Variants in STARD9 observed in about 807,000 individuals in gnomAD.
STARD9 encodes the protein StAR related lipid transfer domain containing 9.
STARD9 carries 346 observed loss-of-function variants against 399.8 expected under a neutral mutation model. That is an observed-to-expected ratio of 0.87 (90% confidence interval 0.79 to 0.95). The LOEUF (loss-of-function observed/expected upper bound fraction) is 0.95. STARD9 is among the 40% of genes least tolerant of loss of function. STARD9 has a pLI of 0.00. For synonymous variants in STARD9, 2,203 were observed against 2,143.5 expected (o/e 1.03, Z -0.77); for missense variants, 5,832 against 5,667.5 (o/e 1.03, Z -0.93).
chr15:42,658,021 C>G (rs4924690), intron 9 of STARD9, among the ~76,000 whole-genome samples: 61,461 of 152,088 alleles, frequency 0.4, 18,255 homozygotes, highest in African/African-American at 0.84. Context: ...AACTTTAGAA[C>G]ATAACTTAGG....
chr15:42,695,418 T>A, intron 25 of STARD9, 95 bp downstream of exon 25: 2 of 1,222,248 alleles, frequency 1.6e-6, no homozygotes, highest in Non-Finnish European at 2.2e-6. Context: ...GGGACATACG[T>A]AACATTTGGA....
At chr15:42,587,482 C>T (rs538258051) in intron 3 of STARD9, among the ~76,000 whole-genome samples, 1 of 152,204 alleles carries the variant, frequency 6.6e-6, no homozygotes, top group Non-Finnish European at 1.5e-5. Context: ...ATTACCTGCC[C>T]TCCACTGAGT....
intron 26 of STARD9, 55 bp downstream of exon 26, chr15:42,695,935 T>C (rs1214754225): frequency 1.3e-6 from 2 of 1,508,588 alleles, no homozygotes; most frequent in Non-Finnish European, 1.8e-6. Flanking sequence ...AAGGCAAGAG[T>C]TTGAGCAGGA....
chr15:42,669,853 C>T (rs1446891025), intron 16 of STARD9: 1 of 152,038 alleles, frequency 6.6e-6, no homozygotes, highest in East Asian at 1.9e-4. Context: ...GAGTTCAAGA[C>T]CATCCTGGCC....
intron 21 of STARD9, 142 bp from the exon 22 acceptor site, chr15:42,681,962 T>C: frequency 1.6e-6 from 1 of 645,034 alleles, no homozygotes; most frequent in Admixed American, 2.9e-5. Flanking sequence ...CCTGTAGCCC[T>C]GCAGCCCTCA....
intron 10 of STARD9, 37 bp downstream of exon 10, chr15:42,661,262 G>T (rs1391867848): frequency 7.3e-7 from 1 of 1,368,484 alleles, no homozygotes; most frequent in South Asian, 1.2e-5. Context: ...AATTACTCTT[G>T]TTCTTGCCTG....
rs1037561460 is a variant in STARD9 at position 42,720,987 on chromosome 15, C to G, written c.*1413C>G. 1.3e-5 allele frequency: 2 copies of G among 152,124 alleles called. No individual in the cohort carries two copies. Among genetic ancestry groups the G allele is most frequent in the African/African-American group, 4.8e-5 (2 of 41,418 alleles). The allele number at this position is 152,124 out of a possible 1,614,324, so 9.4% of individuals were successfully genotyped here. A position where few individuals can be genotyped will look rare whatever the true frequency, so the allele number is the denominator to read the frequency against. On this transcript the variant is annotated 3_prime_UTR_variant, in exon 33 of 33. Transcript: ENST00000290607. ...AGAACATTTTAAAATTAAAAGTCCTCTGTGTACTTTATCTAGTGAAGAGTA... is the reference window on the plus strand; with the variant it reads ...AGAACATTTTAAAATTAAAAGTCCTGTGTGTACTTTATCTAGTGAAGAGTA...
intron 26 of STARD9, among the ~76,000 whole-genome samples, chr15:42,704,141 C>G (rs1454884235): frequency 6.6e-6 from 1 of 152,102 alleles, no homozygotes; most frequent in East Asian, 1.9e-4. Context: ...GAACTCCTGA[C>G]CTCAGGTGAT....
At chr15:42,668,969 T>A (rs1440435206) in intron 15 of STARD9, among the ~76,000 whole-genome samples, 189 bp from the exon 16 acceptor site, 1 of 152,220 alleles carries the variant, frequency 6.6e-6, no homozygotes, top group African/African-American at 2.4e-5. Context: ...ACTTGCTTAT[T>A]GAAGAAAACT....
chr15:42,681,292 G>T lies in STARD9; in HGVS notation c.1875-130G>T. 5 of 885,628 alleles carry T rather than the reference G, an allele frequency of 5.6e-6. No individual in the cohort carries two copies. In the South Asian group the frequency reaches 5.7e-5, roughly 10 times the overall value. The allele number at this position is 885,628 out of a possible 1,614,324, so 54.9% of individuals were successfully genotyped here. A position where few individuals can be genotyped will look rare whatever the true frequency, so the allele number is the denominator to read the frequency against. On this transcript the variant is annotated intron_variant, in intron 20 of 32. Coordinates refer to ENST00000290607, the MANE Select transcript of STARD9 (RefSeq NM_020759.3). The stretch of plus-strand genomic sequence containing the variant: ...ACACCAGGCCTGTTTGTCCAAGGTT[G>T]CCAGAAGTCCAAAGCACTCTCTACC...
Position 42,704,891 on chromosome 15 carries a change from A to C in STARD9, c.13284+9011A>C, listed in dbSNP as rs145526987. 4.1e-4 allele frequency among the ~76,000 whole-genome samples: 63 copies of C among 152,346 alleles called. No homozygotes were observed. In the East Asian group the frequency reaches 0.012, roughly 28 times the overall value. On this transcript the variant is annotated intron_variant, in intron 26 of 32. Coordinates refer to ENST00000290607, the MANE Select transcript of STARD9 (RefSeq NM_020759.3). ...CACAGCTGATGCTATGCAGGGCTAC[A>C]CCTGAAGCCTATGGCCTCTTGGACC...
rs140133007 is a variant in STARD9 at position 42,676,349 on chromosome 15, T to C, written c.1874+374T>C. 2.9e-4 allele frequency among the ~76,000 whole-genome samples: 44 copies of C among 152,302 alleles called. No individual in the cohort carries two copies. In the East Asian group the frequency reaches 7.7e-3, roughly 27 times the overall value. The stretch of plus-strand genomic sequence containing the variant: ...ATATACTCCTTTAAGTTCTGGCCTG[T>C]GTGTGAGCTCATAGTATATGTCACG... On this transcript the variant is annotated intron_variant, in intron 20 of 32. Coordinates refer to ENST00000290607, the MANE Select transcript of STARD9 (RefSeq NM_020759.3).
rs1352097819 is a variant in STARD9, at chr15:42,695,758, C to T, written c.13162C>T (p.His4388Tyr). The change falls in exon 26 of 33, where the codon CAT becomes TAT. Residue 4388 changes from histidine to tyrosine, a missense_variant. His to Tyr is a moderately conservative substitution (Grantham distance 83). This residue lies in a region of STARD9 where 5,828 missense variants were observed against 5,651.1 expected (regional missense o/e 1.03). Transcript: ENST00000290607. Reference protein sequence around the residue: ...SQLLKEEDKLHTLANSSSLCT... With the variant: ...SQLLKEEDKLYTLANSSSLCT... ...TCCTTCCCAGGAAGAGGATAAACTA[C>T]ATACCTTGGCCAATTCCAGCTCCCT... The T allele has an allele frequency of 1.3e-6, 2 of 1,537,186 alleles. No individual in the cohort carries two copies. The highest frequency in any genetic ancestry group is 1.2e-5 in the South Asian group (1 of 84,042).
intron 26 of STARD9, among the ~76,000 whole-genome samples, chr15:42,696,850 T>A (rs1176026207): frequency 6.6e-6 from 1 of 152,002 alleles, no homozygotes; most frequent in Non-Finnish European, 1.5e-5. Context: ...CAAGGAACAC[T>A]GGAGGGAGAA....
At chr15:42,664,203 T>C (rs1263187682) in intron 13 of STARD9, among the ~76,000 whole-genome samples, 1 of 152,184 alleles carries the variant, frequency 6.6e-6, no homozygotes, top group African/African-American at 2.4e-5. Flanking sequence ...AGGTCATTTA[T>C]TTTTTATTTT....
At chr15:42,599,149 C>T (rs909469216) in intron 3 of STARD9, among the ~76,000 whole-genome samples, 1 of 152,186 alleles carries the variant, frequency 6.6e-6, no homozygotes, top group Admixed American at 6.5e-5. Flanking sequence ...GCCTCAAACT[C>T]CTGACCTCAG....
At chr15:42,712,064 TTA>T (rs1555410908) in intron 26 of STARD9, among the ~76,000 whole-genome samples, 601 of 48,764 alleles carry the variant, frequency 0.012, 33 homozygotes, top group Non-Finnish European at 0.015. Flanking sequence ...GAGCATCTTT[TTA>T]TATATATATA....
At chr15:42,642,584 C>G (rs1451460518) in intron 7 of STARD9, among the ~76,000 whole-genome samples, 1 of 152,188 alleles carries the variant, frequency 6.6e-6, no homozygotes, top group Non-Finnish European at 1.5e-5. Context: ...GAGTTTCCCC[C>G]CAACCCCAAC....
chr15:42,633,869 C>T (rs1033088925), intron 3 of STARD9, among the ~76,000 whole-genome samples: 3 of 152,040 alleles, frequency 2.0e-5, no homozygotes, highest in Admixed American at 6.5e-5. Flanking sequence ...GTCTCGAACT[C>T]CTGACCTCAG....
Sources: allele counts gnomAD v4.1 joint callset (sites outside exome capture counted in the v4.1 genomes callset), GRCh38; gene constraint gnomAD v4.1.1; regional missense constraint gnomAD v4.1.1; transcripts MANE v1.5; gene names NCBI Gene and HGNC (gene_info 2026-07-23, HGNC 2026-07-21).